Variants in PTPRD observed in about 807,000 individuals in gnomAD.
PTPRD encodes the protein protein tyrosine phosphatase receptor type D.
In PTPRD, 34 loss-of-function variants were observed where a neutral mutation model predicts 214.5. The ratio of observed to expected loss-of-function variants is 0.16; its 90% CI spans 0.12 to 0.21. The LOEUF is 0.21. PTPRD is among the 10% of genes least tolerant of loss of function. The pLI, the probability that PTPRD is intolerant of heterozygous loss-of-function variation, is 1.00. For synonymous variants in PTPRD, 1,128 were observed against 845.7 expected, an observed-to-expected ratio of 1.33 and a Z score of -5.79; for missense variants, 2,545 against 2,398.7, an observed-to-expected ratio of 1.06 and a Z score of -1.27.
chr9:8,930,116 C>T (rs1208219397), intron 11 of PTPRD, among the ~76,000 whole-genome samples: 1 of 151,312 alleles, frequency 6.6e-6, no homozygotes, highest in Non-Finnish European at 1.5e-5. Flanking sequence ...CCACCCCCCC[C>T]CACACCACAA....
At chr9:9,416,989 C>T (rs1202676493) in intron 8 of PTPRD, among the ~76,000 whole-genome samples, 1 of 152,092 alleles carries the variant, frequency 6.6e-6, no homozygotes, top group Non-Finnish European at 1.5e-5. Flanking sequence ...CTACTAACAG[C>T]TTATGTATAC....
At chr9:10,552,718 A>G (rs919146367) in intron 2 of PTPRD, among the ~76,000 whole-genome samples, 5 of 152,088 alleles carry the variant, frequency 3.3e-5, no homozygotes, top group African/African-American at 1.2e-4. Flanking sequence ...ATTTCCTTTC[A>G]GTCTTCTAGA....
intron 9 of PTPRD, among the ~76,000 whole-genome samples, chr9:9,230,356 G>T (rs2133820947): frequency 6.6e-6 from 1 of 152,182 alleles, no homozygotes. Context: ...TGGGAGGGTG[G>T]CGTACCCAGG....
intron 9 of PTPRD, among the ~76,000 whole-genome samples, chr9:9,365,108 T>G (rs922095277): frequency 1.5e-4 from 23 of 151,414 alleles, no homozygotes; most frequent in Non-Finnish European, 3.1e-4. Context: ...CTGAGTAATA[T>G]GTGCTGGGGC....
intron 12 of PTPRD, among the ~76,000 whole-genome samples, chr9:8,647,404 G>C (rs551702029): frequency 7.2e-5 from 11 of 152,092 alleles, no homozygotes; most frequent in Non-Finnish European, 1.6e-4. Flanking sequence ...TTTTTAACAA[G>C]AAAGAGGTTA....
At chr9:8,984,239 A>T (rs1405206081) in intron 11 of PTPRD, among the ~76,000 whole-genome samples, 1 of 152,084 alleles carries the variant, frequency 6.6e-6, no homozygotes, top group East Asian at 1.9e-4. Flanking sequence ...TTATCAATCT[A>T]CTTTCAAACA....
intron 8 of PTPRD, among the ~76,000 whole-genome samples, chr9:9,473,879 G>A (rs2146667393): frequency 7.0e-6 from 1 of 142,194 alleles, no homozygotes; most frequent in South Asian, 2.2e-4. Context: ...TTAGTCCTTT[G>A]TCAGATGGGT....
chr9:10,398,681 C>A (rs1440038461), intron 2 of PTPRD, among the ~76,000 whole-genome samples: 1 of 151,754 alleles, frequency 6.6e-6, no homozygotes, highest in African/African-American at 2.4e-5. Context: ...TTATGAGGAG[C>A]AGAGAAAGTA....
intron 5 of PTPRD, among the ~76,000 whole-genome samples, chr9:9,839,211 G>A (rs1159566937): frequency 6.6e-6 from 1 of 152,108 alleles, no homozygotes; most frequent in African/African-American, 2.4e-5. Flanking sequence ...GGACAATTAG[G>A]CAGGAGAAGG....
intron 4 of PTPRD, among the ~76,000 whole-genome samples, chr9:9,940,054 A>G (rs1014371707): frequency 2.6e-5 from 4 of 152,162 alleles, no homozygotes; most frequent in African/African-American, 7.2e-5. Flanking sequence ...AGAGCTTAAT[A>G]AAGAACTCAT....
At chr9:9,813,951 C>T (rs2047957792) in intron 5 of PTPRD, among the ~76,000 whole-genome samples, 1 of 152,100 alleles carries the variant, frequency 6.6e-6, no homozygotes, top group African/African-American at 2.4e-5. Context: ...GGTCATTCAC[C>T]ATAATCAAGT....
At chr9:10,220,041 A>G (rs2099560884) in intron 3 of PTPRD, among the ~76,000 whole-genome samples, 1 of 151,878 alleles carries the variant, frequency 6.6e-6, no homozygotes, top group Non-Finnish European at 1.5e-5. Flanking sequence ...CACACACAGA[A>G]TAACTGGTTG....
chr9:9,376,262 G>A (rs1028913831), intron 9 of PTPRD, among the ~76,000 whole-genome samples: 1 of 151,922 alleles, frequency 6.6e-6, no homozygotes, highest in African/African-American at 2.4e-5. Flanking sequence ...TTTCTCTATG[G>A]CAAACAAATG....
chr9:9,688,038 T>C (rs996876420), intron 7 of PTPRD, among the ~76,000 whole-genome samples: 31 of 151,816 alleles, frequency 2.0e-4, no homozygotes, highest in Non-Finnish European at 3.8e-4. Flanking sequence ...CTGCACTCTC[T>C]TTCCTTTCTT....
At chr9:9,282,875 C>T (rs1334728242) in intron 9 of PTPRD, among the ~76,000 whole-genome samples, 1 of 151,356 alleles carries the variant, frequency 6.6e-6, no homozygotes, top group African/African-American at 2.4e-5. Flanking sequence ...GTTAGGAGCA[C>T]ATTATAAGTT....
At chr9:8,538,898 T>C (rs529925887) in intron 14 of PTPRD, among the ~76,000 whole-genome samples, 1 of 151,880 alleles carries the variant, frequency 6.6e-6, no homozygotes, top group South Asian at 2.1e-4. Flanking sequence ...AGAAAACTCC[T>C]TAGAGAAATC....
intron 8 of PTPRD, among the ~76,000 whole-genome samples, chr9:9,557,700 G>C (rs1409451264): frequency 2.0e-5 from 3 of 152,106 alleles, no homozygotes; most frequent in Non-Finnish European, 2.9e-5. Context: ...CCTTTCTATT[G>C]ATTCCAGATT....
intron 11 of PTPRD, among the ~76,000 whole-genome samples, chr9:8,862,709 AAGGCAGCATCTCTTCTTGCTGTT>A (rs1239667943): frequency 6.6e-6 from 1 of 152,214 alleles, no homozygotes; most frequent in Admixed American, 6.5e-5. Context: ...CCTTTTCTTC[AAGGCAGCATCTCTTCTTGCTGTT>A]AGGCAGCACT....
intron 12 of PTPRD, among the ~76,000 whole-genome samples, chr9:8,647,434 A>G (rs548416917): frequency 6.6e-6 from 1 of 152,316 alleles, no homozygotes; most frequent in African/African-American, 2.4e-5. Flanking sequence ...ATTATTTTGT[A>G]ACCAACGTTT....
Sources: gnomAD v4.1 joint callset for allele counts (sites outside exome capture counted in the v4.1 genomes callset) on GRCh38, gnomAD v4.1.1 for gene constraint, MANE v1.5 for transcripts, NCBI Gene and HGNC (gene_info 2026-07-23, HGNC 2026-07-21) for gene names.